TMEM87B: variants seen among roughly 807,000 people sequenced by gnomAD.
TMEM87B encodes the protein transmembrane protein 87B.
A neutral mutation model predicts 80.3 loss-of-function variants in TMEM87B; 83 were observed. The observed-to-expected ratio is 1.03, with a 90% CI of 0.87 to 1.24. The LOEUF (loss-of-function observed/expected upper bound fraction) is 1.24, where lower values mean the gene tolerates loss of function less well. TMEM87B is among the 50% of genes most tolerant of loss of function. TMEM87B has a pLI of 0.00. For synonymous variants in TMEM87B, 219 were observed against 230.5 expected, an observed-to-expected ratio of 0.95 and a Z score of 0.45; for missense variants, 625 against 674.4, an observed-to-expected ratio of 0.93 and a Z score of 0.81.
At chr2:112,063,392 A>G (rs1573680750) in intron 2 of TMEM87B, among the ~76,000 whole-genome samples, 1 of 152,212 alleles carries the variant, frequency 6.6e-6, no homozygotes, top group South Asian at 2.1e-4. Flanking sequence ...TGGATCATTC[A>G]AAAGAAAGGC....
At chr2:112,105,399 AGAACTCTAT>A (rs1333636830) in intron 15 of TMEM87B, among the ~76,000 whole-genome samples, 1 of 152,206 alleles carries the variant, frequency 6.6e-6, no homozygotes, top group Non-Finnish European at 1.5e-5. Flanking sequence ...AATGGTCACT[AGAACTCTAT>A]GAGGTAGAAA....
At chr2:112,105,252 T>G (rs1257361366) in intron 15 of TMEM87B, among the ~76,000 whole-genome samples, 1 of 152,208 alleles carries the variant, frequency 6.6e-6, no homozygotes, top group East Asian at 1.9e-4. Context: ...AACCTCATTT[T>G]TATTTATTAC....
intron 15 of TMEM87B, among the ~76,000 whole-genome samples, chr2:112,101,536 A>G (rs976258155): frequency 1.3e-5 from 2 of 152,192 alleles, no homozygotes; most frequent in African/African-American, 4.8e-5. Context: ...CTGATAGTCA[A>G]CTGTTGACCA....
chr2:112,092,843 A>T (rs1160893595), intron 11 of TMEM87B, among the ~76,000 whole-genome samples: 2 of 152,178 alleles, frequency 1.3e-5, no homozygotes, highest in African/African-American at 4.8e-5. Flanking sequence ...GAGGAATTCT[A>T]GAGAAAATGT....
intron 11 of TMEM87B, among the ~76,000 whole-genome samples, chr2:112,094,213 G>C (rs915932716): frequency 1.3e-5 from 2 of 148,410 alleles, no homozygotes; most frequent in African/African-American, 5.0e-5. Context: ...CCAGGTTGGA[G>C]TGCAGTGGCG....
In TMEM87B at chr2:112,097,287, A is replaced by C; in HGVS notation, c.1268A>C (p.Gln423Pro). 6.2e-7 allele frequency: 1 copy of C among 1,603,804 alleles called. No individual in the cohort carries two copies. Among genetic ancestry groups the C allele is most frequent in the Non-Finnish European group, 8.5e-7 (1 of 1,176,636 alleles). Residue 423 changes from glutamine (Q) to proline (P), a missense_variant, in exon 13 of 19, where the codon CAA (glutamine) becomes CCA (proline). Transcript: ENST00000283206. Reference protein sequence around the residue: ...TTKTFRIAKCQSDWMERWVDD... With the variant: ...TTKTFRIAKCPSDWMERWVDD... ...AAGACATTTAGAATTGCAAAATGCC[A>C]ATCAGTAAGTATAACCTTCCTATTT...
At chr2:112,110,240 A>C (rs1227287773) in intron 17 of TMEM87B, among the ~76,000 whole-genome samples, 1 of 151,948 alleles carries the variant, frequency 6.6e-6, no homozygotes, top group Non-Finnish European at 1.5e-5. Flanking sequence ...ACACATTAAG[A>C]TTTCTGTTGA....
Position 112,055,545 on chromosome 2 carries a change from G to A in TMEM87B, c.-47G>A. ...CCTGGGGCGGTGCTGCACCAGGTGC[G>A]GGTGTGGCAGGCGTCTCGGAGCGCC... On this transcript the variant is annotated 5_prime_UTR_variant, in exon 1 of 19. Transcript: ENST00000283206. 1 of 1,452,422 alleles carries A rather than the reference G, an allele frequency of 6.9e-7. No homozygotes were observed. The highest frequency in any genetic ancestry group is 2.5e-4 in the Middle Eastern group (1 of 4,054). 90.0% of individuals were successfully genotyped at this position (1,452,422 alleles called of 1,614,324 possible).
rs1478721734 is a variant in TMEM87B at position 112,055,902 on chromosome 2, T to C, written c.165+146T>C. 3.5e-6 allele frequency: 4 copies of C among 1,143,556 alleles called. No homozygotes were observed. In the African/African-American group the frequency reaches 4.9e-5, roughly 14 times the overall value. The allele number at this position is 1,143,556 out of a possible 1,614,324, so 70.8% of individuals were successfully genotyped here. A position where few individuals can be genotyped will look rare whatever the true frequency, so the allele number is the denominator to read the frequency against. ...TACCCTCCCTGAGCCTTTTGTCTGT[T>C]ACAGCCGGGGAGCGGGGAGCGGCCC... On this transcript the variant is annotated intron_variant, in intron 1 of 18. Transcript: ENST00000283206.
chr2:112,105,952 GA>G, intron 15 of TMEM87B, 49 bp from the exon 16 acceptor site: 2 of 1,307,310 alleles, frequency 1.5e-6, no homozygotes, highest in Non-Finnish European at 2.1e-6. Flanking sequence ...ATTTCTAAAG[GA>G]AAATATTATT....
At chr2:112,080,578 G>T (rs955302485) in intron 6 of TMEM87B, among the ~76,000 whole-genome samples, 1 of 152,072 alleles carries the variant, frequency 6.6e-6, no homozygotes, top group East Asian at 1.9e-4. Context: ...TTTTAATTGG[G>T]TTTTTTGTTT....
At chr2:112,108,521 T>G (rs940533745) in intron 17 of TMEM87B, among the ~76,000 whole-genome samples, 1 of 152,226 alleles carries the variant, frequency 6.6e-6, no homozygotes, top group African/African-American at 2.4e-5. Flanking sequence ...TCACCTTTAT[T>G]GAAGAAATTT....
At chr2:112,059,863 A>C in intron 1 of TMEM87B, 114 bp from the exon 2 acceptor site, 1 of 1,324,300 alleles carries the variant, frequency 7.6e-7, no homozygotes, top group Non-Finnish European at 1.0e-6. Flanking sequence ...ACGTTAAAAA[A>C]ATACTCTTGT....
chr2:112,079,485 A>G (rs920128638), intron 6 of TMEM87B, among the ~76,000 whole-genome samples: 1 of 152,216 alleles, frequency 6.6e-6, no homozygotes, highest in South Asian at 2.1e-4. Flanking sequence ...TTGTGTATAT[A>G]TACACATTTT....
intron 6 of TMEM87B, among the ~76,000 whole-genome samples, chr2:112,078,388 A>T (rs549232802): frequency 7.4e-4 from 113 of 152,302 alleles, no homozygotes; most frequent in African/African-American, 2.4e-3. Context: ...CAGAAAGGAT[A>T]GAAGGGCAGG....
Position 112,118,792 on chromosome 2 carries a change from T to C in TMEM87B, c.*2649T>C, listed in dbSNP as rs1294813908. 3 of 152,188 alleles carry C rather than the reference T, an allele frequency of 2.0e-5. No homozygotes were observed. The highest frequency in any genetic ancestry group is 4.8e-5 in the African/African-American group (2 of 41,462). The allele number at this position is 152,188 out of a possible 1,614,324, so 9.4% of individuals were successfully genotyped here. A position where few individuals can be genotyped will look rare whatever the true frequency, so the allele number is the denominator to read the frequency against. ...GCTGAAAGTATAAAAAATGTACATATACATTTTGAGTTATGTATCCTTTTT... is the reference window on the plus strand; with the variant it reads ...GCTGAAAGTATAAAAAATGTACATACACATTTTGAGTTATGTATCCTTTTT... On this transcript the variant is annotated 3_prime_UTR_variant, in exon 19 of 19. Transcript: ENST00000283206.
chr2:112,061,010 C>T (rs1169815488), intron 2 of TMEM87B, among the ~76,000 whole-genome samples: 1 of 152,142 alleles, frequency 6.6e-6, no homozygotes, highest in Non-Finnish European at 1.5e-5. Flanking sequence ...TATGAAATGT[C>T]ATGATTGTGA....
chr2:112,092,195 A>G (rs542529156), intron 11 of TMEM87B, among the ~76,000 whole-genome samples: 33 of 152,362 alleles, frequency 2.2e-4, no homozygotes, highest in Non-Finnish European at 4.4e-5. Flanking sequence ...CAGAGATGGC[A>G]ACATTTAAAT....
intron 17 of TMEM87B, among the ~76,000 whole-genome samples, chr2:112,108,666 A>G (rs1679835286): frequency 1.3e-5 from 2 of 152,058 alleles, no homozygotes; most frequent in South Asian, 2.1e-4. Context: ...TCCACATGTT[A>G]TATGGGTTTT....
Sources: gnomAD v4.1 joint callset for allele counts (sites outside exome capture counted in the v4.1 genomes callset) on GRCh38, gnomAD v4.1.1 for gene constraint, MANE v1.5 for transcripts, NCBI Gene and HGNC (gene_info 2026-07-23, HGNC 2026-07-21) for gene names.